The following TRPM1 variants were observed in gnomAD, a reference collection of about 807,000 sequenced individuals.
The protein encoded by TRPM1 is TRPM1-203 APA Isoform, Intron 10.
TRPM1 carries 113 observed loss-of-function variants against 149.4 expected under a neutral mutation model. That is an observed-to-expected ratio of 0.76 (90% CI 0.65 to 0.88). The LOEUF (loss-of-function observed/expected upper bound fraction) is 0.88, where lower values mean the gene tolerates loss of function less well. Ranked by LOEUF, TRPM1 falls within the 40% of genes least tolerant of loss-of-function variation. The pLI, the probability that TRPM1 is intolerant of heterozygous loss-of-function variation, is 0.00. For synonymous variants in TRPM1, 741 were observed against 759.5 expected (o/e 0.98, Z 0.40); for missense variants, 1,976 against 2,038.7 (o/e 0.97, Z 0.59).
Position 31,002,056 on chromosome 15 carries a change from A to C in TRPM1, c.4644T>G (p.Thr1548=), listed in dbSNP as rs755792239. ...GTAAGTTTTCCATCCCATTTCTGTC[A>C]GTAATGGTTAGGGACAAGCGAGGGA... The part of the protein sequence containing the change: ...PRIPRLSLTI[T]DRNGMENLLS... Residue 1548 remains threonine, a synonymous_variant, in exon 28 of 28, where the codon ACT becomes ACG. Coordinates refer to ENST00000256552, the MANE Select transcript of TRPM1 (RefSeq NM_001252024.2). The C allele has an allele frequency of 6.2e-7, 1 of 1,614,246 alleles. No homozygotes were observed. Among genetic ancestry groups the C allele is most frequent in the South Asian group, 1.1e-5 (1 of 91,086 alleles).
At chr15:31,088,859 G>C (rs1207238856) in intron 1 of TRPM1, among the ~76,000 whole-genome samples, 3 of 88,930 alleles carry the variant, frequency 3.4e-5, no homozygotes, top group Non-Finnish European at 6.9e-5. Context: ...GCCCTGCTGC[G>C]GGTATTGACA....
intron 9 of TRPM1, among the ~76,000 whole-genome samples, chr15:31,061,857 T>C (rs571477658): frequency 2.8e-4 from 43 of 152,024 alleles, no homozygotes; most frequent in East Asian, 1.4e-3. Context: ...GCTAATTGTT[T>C]TGGTATTTTT....
intron 1 of TRPM1, among the ~76,000 whole-genome samples, chr15:31,082,838 G>A (rs1216551184): frequency 6.6e-6 from 1 of 152,226 alleles, no homozygotes; most frequent in African/African-American, 2.4e-5. Context: ...CCGAGGAAGT[G>A]TAGACAGCAA....
chr15:31,141,841 A>G (rs55888834), intron 1 of TRPM1, among the ~76,000 whole-genome samples: 24,359 of 152,148 alleles, frequency 0.16, 2,288 homozygotes, highest in African/African-American at 0.26. Context: ...CTATTAATGA[A>G]TCCAGGAATA....
intron 27 of TRPM1, among the ~76,000 whole-genome samples, chr15:31,021,856 C>T (rs961648488): frequency 2.0e-5 from 3 of 152,082 alleles, no homozygotes; most frequent in Non-Finnish European, 4.4e-5. Flanking sequence ...AGGCCAACTA[C>T]ACTTAAAATG....
intron 1 of TRPM1, among the ~76,000 whole-genome samples, chr15:31,092,291 C>T (rs976455233): frequency 1.3e-5 from 2 of 151,558 alleles, no homozygotes; most frequent in African/African-American, 2.4e-5. Context: ...GGTGTGGTGT[C>T]GGTGCGTTGT....
intron 2 of TRPM1, among the ~76,000 whole-genome samples, chr15:31,078,698 G>A (rs573398470): frequency 1.3e-4 from 20 of 152,264 alleles, no homozygotes; most frequent in African/African-American, 3.6e-4. Context: ...CGTCTGTTTC[G>A]CACTTCTCCA....
rs2031855386 is a variant in TRPM1, at chr15:31,003,074, G to T, written c.3630-4C>A. ...CCTCATTGACATATTTTCAACTCTG[G>T]TGAATATAAAGGGATAGATTTATTA... is the stretch of plus-strand genomic sequence containing the variant. On this transcript the variant is annotated splice_polypyrimidine_tract_variant and splice_region_variant and intron_variant, in intron 27 of 27. Coordinates refer to ENST00000256552, the MANE Select transcript of TRPM1 (RefSeq NM_001252024.2). The T allele has an allele frequency of 6.2e-7, 1 of 1,600,548 alleles. No homozygotes were observed. The highest frequency in any genetic ancestry group is 8.5e-7 in the Non-Finnish European group (1 of 1,175,372).
intron 1 of TRPM1, among the ~76,000 whole-genome samples, chr15:31,111,478 G>C (rs761117095): frequency 6.6e-6 from 1 of 152,216 alleles, no homozygotes; most frequent in Non-Finnish European, 1.5e-5. Flanking sequence ...CTTCCTTCAA[G>C]ATGTCTGTGT....
At chr15:31,102,433 A>T (rs1201369384), upstream of TRPM1, among the ~76,000 whole-genome samples, 1 of 152,246 alleles carries the variant, frequency 6.6e-6, no homozygotes, top group East Asian at 1.9e-4. Flanking sequence ...GGTCTTCCCC[A>T]GCATCTGAGG....
intron 23 of TRPM1, among the ~76,000 whole-genome samples, chr15:31,030,691 T>A (rs1369209322): frequency 6.6e-6 from 1 of 152,162 alleles, no homozygotes; most frequent in Non-Finnish European, 1.5e-5. Context: ...AGATACTGGG[T>A]TGAAGAAAAA....
intron 1 of TRPM1, among the ~76,000 whole-genome samples, chr15:31,112,316 T>C (rs1212107846): frequency 6.6e-6 from 1 of 152,104 alleles, no homozygotes; most frequent in East Asian, 1.9e-4. Flanking sequence ...CCATCACTAC[T>C]AAAAATACAA....
intron 27 of TRPM1, among the ~76,000 whole-genome samples, chr15:31,016,962 TACAC>T (rs36176052): frequency 0.14 from 12,836 of 89,350 alleles, 767 homozygotes; most frequent in African/African-American, 0.27. Flanking sequence ...AAACCTGGCG[TACAC>T]ACACACACAC....
chr15:31,125,275 T>C (rs1167082651), intron 1 of TRPM1, among the ~76,000 whole-genome samples: 1 of 152,170 alleles, frequency 6.6e-6, no homozygotes, highest in Non-Finnish European at 1.5e-5. Flanking sequence ...TAGTAATGTG[T>C]CAATATTGGC....
intron 1 of TRPM1, among the ~76,000 whole-genome samples, chr15:31,124,972 G>A (rs1032775793): frequency 6.6e-6 from 1 of 152,034 alleles, no homozygotes; most frequent in Admixed American, 6.5e-5. Flanking sequence ...TTAGGAGTTC[G>A]AGACCAGCCT....
chr15:31,112,872 A>G (rs1203491910), intron 1 of TRPM1, among the ~76,000 whole-genome samples: 2 of 152,220 alleles, frequency 1.3e-5, no homozygotes, highest in Non-Finnish European at 2.9e-5. Context: ...CTTGTAACCC[A>G]GCATTCCTCA....
intron 1 of TRPM1, among the ~76,000 whole-genome samples, chr15:31,112,104 T>A (rs1596078913): frequency 6.6e-6 from 1 of 152,278 alleles, no homozygotes; most frequent in East Asian, 1.9e-4. Context: ...AGAGCTTGGG[T>A]AGGACAAGTG....
chr15:31,087,231 A>ATTTTTT lies in TRPM1; in HGVS notation c.-83-5799_-83-5794dup, dbSNP rs58872566. ...AGCAGTTAAGCAGGTCTCAATAGGG[A>ATTTTTT]TTTTTTTTTTTTTTTTTTTTTTTTT... On this transcript the variant is annotated intron_variant, in intron 1 of 27. Transcript: ENST00000256552. 9.0e-3 allele frequency among the ~76,000 whole-genome samples: 534 copies of ATTTTTT among 59,458 alleles called. 70 individuals carry two copies. Among genetic ancestry groups the ATTTTTT allele is most frequent in the African/African-American group, 0.025 (349 of 14,054 alleles). The allele number at this position is 59,458 out of a possible 152,430, so 39.0% of individuals were successfully genotyped here.
At chr15:31,007,322 C>T (rs879550429) in intron 27 of TRPM1, among the ~76,000 whole-genome samples, 3 of 151,892 alleles carry the variant, frequency 2.0e-5, no homozygotes, top group Non-Finnish European at 4.4e-5. Flanking sequence ...TAGATCTACT[C>T]CCGGACTCTT....
Sources: allele counts gnomAD v4.1 joint callset (sites outside exome capture counted in the v4.1 genomes callset), GRCh38; gene constraint gnomAD v4.1.1; transcripts MANE v1.5; gene names NCBI Gene and HGNC (gene_info 2026-07-23, HGNC 2026-07-21).